Variants in SMO observed in about 807,000 individuals in gnomAD.
The protein encoded by SMO is protein smoothened.
In SMO, 40 loss-of-function variants were observed where a neutral mutation model predicts 81.6. The ratio of observed to expected loss-of-function variants is 0.49; its 90% CI spans 0.38 to 0.64. The LOEUF is 0.64. Ranked by LOEUF, SMO falls within the 30% of genes least tolerant of loss-of-function variation. The pLI, the probability that SMO is intolerant of heterozygous loss-of-function variation, is 0.00. For synonymous variants in SMO, 434 were observed against 432.1 expected (o/e 1.00, Z -0.05); for missense variants, 916 against 1,061.1 (o/e 0.86, Z 1.90).
chr7:129,206,143 T>C lies in SMO; in HGVS notation c.921-7T>C. On this transcript the variant is annotated splice_polypyrimidine_tract_variant and splice_region_variant and intron_variant, in intron 4 of 11. Transcript: ENST00000249373. This position sits in a 1 kb window ranked among gnomAD's most constrained non-coding sequence, Gnocchi z 4.4. ...CGCCTCAAGTGACACCTCACCTCTC[T>C]GCACAGCTCCAATGAGACTCTGTCC... 1 of 1,587,502 alleles carries C rather than the reference T, an allele frequency of 6.3e-7. No homozygotes were observed.
In SMO at chr7:129,211,175, T is replaced by C; in HGVS notation, c.1801+62T>C. Reference sequence around the variant, plus strand: ...CCCGCGCTGCCCATGTGCTAGTCTCTCCCAGCCTGCTGGGGGCACACAGAT... The same window carrying C: ...CCCGCGCTGCCCATGTGCTAGTCTCCCCCAGCCTGCTGGGGGCACACAGAT... On this transcript the variant is annotated intron_variant, in intron 10 of 11. Coordinates refer to ENST00000249373, the MANE Select transcript of SMO (RefSeq NM_005631.5). This position sits in a 1 kb window ranked among gnomAD's most constrained non-coding sequence, Gnocchi z 4.6. The C allele has an allele frequency of 1.3e-6, 2 of 1,516,208 alleles. No homozygotes were observed. Among genetic ancestry groups the C allele is most frequent in the Non-Finnish European group, 1.8e-6 (2 of 1,113,644 alleles). The allele number at this position is 1,516,208 out of a possible 1,614,324, so 93.9% of individuals were successfully genotyped here.
intron 1 of SMO, among the ~76,000 whole-genome samples, chr7:129,198,844 C>T (rs528269662): frequency 6.6e-6 from 1 of 152,338 alleles, no homozygotes; most frequent in Non-Finnish European, 1.5e-5. Flanking sequence ...TGCCTGATGA[C>T]ACATTTCACA....
rs1195290206 is a variant in SMO, at chr7:129,189,887, AGGGGAG to A, written c.331+408_331+413del. 6.6e-6 allele frequency among the ~76,000 whole-genome samples: 1 copy of A among 152,074 alleles called. No individual in the cohort carries two copies. The highest frequency in any genetic ancestry group is 6.6e-5 in the Admixed American group (1 of 15,266). ...GGGGAAATTGGAGTTGGAGAGGAAA[AGGGGAG>A]GGATGACGGAGGAAGAGGTTTAGAC... is the stretch of plus-strand genomic sequence containing the variant. On this transcript the variant is annotated intron_variant, in intron 1 of 11. Transcript: ENST00000249373. The surrounding 1 kb of genome is among the most constrained non-coding windows in gnomAD (Gnocchi z 4.7).
At position 129,205,697 on chromosome 7, in the gene SMO, A is replaced by T. The variant is rs868692725; in HGVS notation, c.835A>T (p.Ile279Phe). The stretch of plus-strand genomic sequence containing the variant: ...CAATGCGTGCTTCTTTGTGGGCAGC[A>T]TTGGCTGGCTGGCCCAGTTCATGGA... ...YVNACFFVGS[I>F]GWLAQFMDGA... is the part of the protein sequence containing the mutation. The change falls in exon 4 of 12, where the codon ATT becomes TTT. Residue 279 changes from isoleucine (I) to phenylalanine (F), a missense_variant. Around this residue, in one of 4 missense-constraint regions of SMO, gnomAD observed 436 missense variants for 570.9 expected, o/e 0.76. Transcript: ENST00000249373. 6.2e-7 allele frequency: 1 copy of T among 1,613,448 alleles called. No homozygotes were observed. Among genetic ancestry groups the T allele is most frequent in the Non-Finnish European group, 8.5e-7 (1 of 1,180,028 alleles).
Position 129,211,669 on chromosome 7 carries a change from C to CCAGGCAA in SMO, c.1835_1836insCAGGCAA (p.Asp613ArgfsTer3). The stretch of plus-strand genomic sequence containing the variant: ...GCCTTTGACCTCAATGAGCCCTCAG[C>CCAGGCAA]TGATGTCTCCTCTGCCTGGGCCCAG... On this transcript the variant is annotated frameshift_variant, in exon 11 of 12. Coordinates refer to ENST00000249373, the MANE Select transcript of SMO (RefSeq NM_005631.5). LOFTEE classifies it high-confidence loss of function. This position sits in a 1 kb window ranked among gnomAD's most constrained non-coding sequence, Gnocchi z 4.6. 6.2e-7 allele frequency: 1 copy of CCAGGCAA among 1,613,456 alleles called. No homozygotes were observed. Among genetic ancestry groups the CCAGGCAA allele is most frequent in the Non-Finnish European group, 8.5e-7 (1 of 1,179,996 alleles).
At chr7:129,193,957 G>A (rs1043564601) in intron 1 of SMO, among the ~76,000 whole-genome samples, 18 of 148,810 alleles carry the variant, frequency 1.2e-4, no homozygotes, top group Non-Finnish European at 2.2e-4. Context: ...AAAATTAGCC[G>A]GGCATGTTGG....
chr7:129,210,700 T>C lies in SMO; in HGVS notation c.1652+152T>C. 2 of 754,506 alleles carry C rather than the reference T, an allele frequency of 2.7e-6. No individual in the cohort carries two copies. Among genetic ancestry groups the C allele is most frequent in the South Asian group, 1.8e-5 (1 of 55,688 alleles). 46.7% of individuals were successfully genotyped at this position (754,506 alleles called of 1,614,324 possible). ...TGGCACCTTCTGTCCTTGGGTGGCC[T>C]GATGCCTGGGCCTGGGCCTGGGCCA... is the stretch of plus-strand genomic sequence containing the variant. On this transcript the variant is annotated intron_variant, in intron 9 of 11. Transcript: ENST00000249373. This position sits in a 1 kb window ranked among gnomAD's most constrained non-coding sequence, Gnocchi z 4.7.
intron 3 of SMO, 84 bp from the exon 4 acceptor site, chr7:129,205,526 C>A: frequency 6.6e-7 from 1 of 1,520,144 alleles, no homozygotes; most frequent in Non-Finnish European, 9.1e-7. Flanking sequence ...GGGTCATGAT[C>A]AGAAGGGTCT....
rs2150649067 is a variant in SMO, at chr7:129,205,652, G to A, written c.790G>A (p.Ala264Thr). 3 of 1,614,068 alleles carry A rather than the reference G, an allele frequency of 1.9e-6. No individual in the cohort carries two copies. The highest frequency in any genetic ancestry group is 1.7e-6 in the Non-Finnish European group (2 of 1,179,978). Residue 264 changes from alanine to threonine, a missense_variant, in exon 4 of 12, where the codon GCT (alanine) becomes ACT (threonine). Transcript: ENST00000249373. ...CTGGCGGAACTCGAATCGCTACCCT[G>A]CTGTTATTCTCTTCTACGTCAATGC... ...ADWRNSNRYP[A>T]VILFYVNACF... is the part of the protein sequence containing the mutation.
chr7:129,202,333 C>A (rs1352859103), intron 1 of SMO, among the ~76,000 whole-genome samples: 2 of 152,116 alleles, frequency 1.3e-5, no homozygotes, highest in Admixed American at 1.3e-4. Context: ...AGTTGCCATG[C>A]ACATGCCCCT....
chr7:129,198,516 T>C (rs1222476218), intron 1 of SMO, among the ~76,000 whole-genome samples: 5 of 152,206 alleles, frequency 3.3e-5, no homozygotes, highest in Admixed American at 3.3e-4. Context: ...CATGACAACA[T>C]TGGACATCAT....
intron 1 of SMO, among the ~76,000 whole-genome samples, chr7:129,195,994 GGGAGGCTGAGGCAGGAAAAT>G (rs1793571351): frequency 1.3e-5 from 2 of 151,560 alleles, no homozygotes; most frequent in South Asian, 4.2e-4. Flanking sequence ...CCAGCTACTC[GGGAGGCTGAGGCAGGAAAAT>G]GGTGTGAACC....
In SMO at chr7:129,189,569, T is replaced by G. The variant is rs1584651526; in HGVS notation, c.331+87T>G. ...TGGAAAGAACAGGCTCAGGCCTGAG[T>G]TTTGGAGAGGGCGGGGACAGCACCC... On this transcript the variant is annotated intron_variant, in intron 1 of 11. Transcript: ENST00000249373. This position sits in a 1 kb window ranked among gnomAD's most constrained non-coding sequence, Gnocchi z 4.7. The G allele has an allele frequency of 7.0e-7, 1 of 1,423,544 alleles. No individual in the cohort carries two copies. The highest frequency in any genetic ancestry group is 1.3e-5 in the South Asian group (1 of 78,980). The allele number at this position is 1,423,544 out of a possible 1,614,324, so 88.2% of individuals were successfully genotyped here.
chr7:129,209,946 G>A (rs1793841748), intron 8 of SMO: 1 of 180,596 alleles, frequency 5.5e-6, no homozygotes, highest in Non-Finnish European at 1.2e-5. Flanking sequence ...AGGCTCTTCC[G>A]TAAAGGTTCC....
chr7:129,207,510 C>T (rs1462511531), intron 6 of SMO, among the ~76,000 whole-genome samples: 2 of 152,180 alleles, frequency 1.3e-5, no homozygotes, highest in Non-Finnish European at 2.9e-5. Flanking sequence ...TCAGTCACCT[C>T]TTTCCCCTCT....
intron 3 of SMO, 25 bp downstream of exon 3, chr7:129,205,437 G>A (rs760715087): frequency 1.8e-5 from 28 of 1,594,012 alleles, no homozygotes; most frequent in Admixed American, 1.2e-4. Flanking sequence ...GGCAGGCCCG[G>A]GGGGCCCTCA....
In SMO at chr7:129,212,575, G is replaced by A. The variant is rs905858870; in HGVS notation, c.*124G>A. ...AGAACCTGTGGGCTGACTGCCCTCC[G>A]AAGAGAGTTCTGGATGTCTGGCTCA... On this transcript the variant is annotated 3_prime_UTR_variant, in exon 12 of 12. Transcript: ENST00000249373. The surrounding 1 kb of genome is among the most constrained non-coding windows in gnomAD (Gnocchi z 5.0). The A allele has an allele frequency of 3.0e-5, 27 of 899,088 alleles. No homozygotes were observed. The highest frequency in any genetic ancestry group is 5.3e-5 in the Admixed American group (2 of 37,636). The allele number at this position is 899,088 out of a possible 1,614,324, so 55.7% of individuals were successfully genotyped here.
rs567013096 is a variant in SMO, at chr7:129,211,013, G to C, written c.1701G>C (p.Lys567Asn). 6.2e-7 allele frequency: 1 copy of C among 1,614,014 alleles called. No individual in the cohort carries two copies. The highest frequency in any genetic ancestry group is 8.5e-7 in the Non-Finnish European group (1 of 1,179,942). Residue 567 changes from lysine to asparagine, a missense_variant, in exon 10 of 12, where the codon AAG becomes AAC. Around this residue, in one of 4 missense-constraint regions of SMO, gnomAD observed 324 missense variants for 312.9 expected, o/e 1.04. Coordinates refer to ENST00000249373, the MANE Select transcript of SMO (RefSeq NM_005631.5). This position sits in a 1 kb window ranked among gnomAD's most constrained non-coding sequence, Gnocchi z 4.6. ...AGCCAAAGCGGATCAAGAAGAGCAA[G>C]ATGATTGCCAAGGCCTTCTCTAAGC... ...DDEPKRIKKS[K>N]MIAKAFSKRH...
chr7:129,194,813 C>T (rs1584654601), intron 1 of SMO, among the ~76,000 whole-genome samples: 1 of 151,932 alleles, frequency 6.6e-6, no homozygotes, highest in Non-Finnish European at 1.5e-5. Context: ...GAGACAGTCT[C>T]ACTCTGTCAC....
Sources: allele counts gnomAD v4.1 joint callset (sites outside exome capture counted in the v4.1 genomes callset), GRCh38; gene constraint gnomAD v4.1.1; regional missense constraint gnomAD v4.1.1; non-coding constraint Gnocchi (gnomAD v3.1); transcripts MANE v1.5; gene names NCBI Gene and HGNC (gene_info 2026-07-23, HGNC 2026-07-21).